The following WDPCP variants were observed in gnomAD, a reference collection of about 807,000 sequenced individuals.
WDPCP encodes the protein WD repeat containing planar cell polarity effector, also known as WD repeat-containing and planar cell polarity effector protein fritz homolog.
A neutral mutation model predicts 93.1 loss-of-function variants in WDPCP; 71 were observed. The ratio of observed to expected loss-of-function variants is 0.76; its 90% CI spans 0.63 to 0.93. The LOEUF is 0.93. Among genes scored for constraint, WDPCP ranks in the 40% least tolerant of loss-of-function variants. The pLI is 0.00. For missense variants in WDPCP, 844 were observed against 887.4 expected, an observed-to-expected ratio of 0.95 and a Z score of 0.62; for synonymous variants, 315 against 315.0, an observed-to-expected ratio of 1.00 and a Z score of 0.00.
chr2:63,602,746 TC>T (rs1334891684), intron 3 of WDPCP, among the ~76,000 whole-genome samples: 1 of 152,130 alleles, frequency 6.6e-6, no homozygotes, highest in East Asian at 1.9e-4. Flanking sequence ...TATAATTTTG[TC>T]ATTTTGAGAA....
At chr2:63,270,841 C>T (rs982112236) in intron 13 of WDPCP, among the ~76,000 whole-genome samples, 12 of 152,204 alleles carry the variant, frequency 7.9e-5, no homozygotes, top group African/African-American at 2.7e-4. Flanking sequence ...GGAGTCCATG[C>T]AGTGGCACTG....
chr2:63,328,335 T>C (rs916621848), intron 12 of WDPCP, among the ~76,000 whole-genome samples: 2 of 152,076 alleles, frequency 1.3e-5, no homozygotes, highest in Non-Finnish European at 2.9e-5. Context: ...CTTTGTTCTT[T>C]CGCTCTTCAC....
At chr2:63,332,390 C>T (rs1352747139) in intron 12 of WDPCP, among the ~76,000 whole-genome samples, 2 of 152,004 alleles carry the variant, frequency 1.3e-5, no homozygotes, top group South Asian at 2.1e-4. Context: ...CACATCCTCC[C>T]CAGCACTTGG....
At chr2:63,338,489 T>C (rs1010202259) in intron 12 of WDPCP, among the ~76,000 whole-genome samples, 30 of 146,240 alleles carry the variant, frequency 2.1e-4, no homozygotes, top group Non-Finnish European at 3.3e-4. Context: ...GAGGTGGAGG[T>C]TGCAGTTAGC....
upstream of WDPCP, among the ~76,000 whole-genome samples, chr2:63,831,038 C>T (rs1381350452): frequency 6.6e-6 from 1 of 152,104 alleles, no homozygotes; most frequent in Non-Finnish European, 1.5e-5. Flanking sequence ...GGATCTCCTT[C>T]ACCCTTTACC....
the WDPCP span, among the ~76,000 whole-genome samples, chr2:63,835,389 C>CAAAAAA: frequency 1.2e-4 from 5 of 42,314 alleles, no homozygotes; most frequent in Non-Finnish European, 2.0e-4. Flanking sequence ...GACTCCATCT[C>CAAAAAA]AAAAAAAAAA....
intron 2 of WDPCP, among the ~76,000 whole-genome samples, chr2:63,722,154 G>A (rs1318019761): frequency 6.7e-5 from 10 of 150,062 alleles, no homozygotes; most frequent in South Asian, 4.2e-4. Flanking sequence ...CCGCCACCCC[G>A]TCTGGGAAGT....
In WDPCP at chr2:63,678,919, T is replaced by C. The variant is rs535702382; in HGVS notation, n.309-28081A>G. Among the ~76,000 whole-genome samples the C allele has an allele frequency of 2.6e-5, 4 of 152,322 alleles. 1 individual carries two copies. In the South Asian group the frequency reaches 8.3e-4, roughly 32 times the overall value. On this transcript the variant is annotated intron_variant and non_coding_transcript_variant, in intron 2 of 4. Transcript: ENST00000467687. ...CCGGAGCTACCTGATCCCTGCTACA[T>C]GCTTCTGAAACCAACAGTTCCAATG...
intron 6 of WDPCP, among the ~76,000 whole-genome samples, chr2:63,474,086 TA>T (rs1036607606): frequency 1.1e-4 from 17 of 152,074 alleles, no homozygotes; most frequent in African/African-American, 4.1e-4. Context: ...GAAAATGAGT[TA>T]ATATTTATAA....
chr2:63,183,387 A>G (rs939050149), intron 14 of WDPCP, among the ~76,000 whole-genome samples: 10 of 152,070 alleles, frequency 6.6e-5, no homozygotes, highest in Non-Finnish European at 1.5e-5. Flanking sequence ...TCTTTGACCT[A>G]AAGACCATTC....
chr2:63,193,618 T>C (rs956055503), intron 14 of WDPCP, among the ~76,000 whole-genome samples: 4 of 152,156 alleles, frequency 2.6e-5, no homozygotes, highest in Admixed American at 2.6e-4. Context: ...TCCTGGGTAG[T>C]TGGAAGTACA....
chr2:63,240,178 T>C (rs771076310), intron 14 of WDPCP, among the ~76,000 whole-genome samples: 1 of 152,000 alleles, frequency 6.6e-6, no homozygotes, highest in Non-Finnish European at 1.5e-5. Context: ...CCATCACTCT[T>C]AGTATTTTTT....
intron 2 of WDPCP, among the ~76,000 whole-genome samples, chr2:63,659,454 T>G (rs1392864132): frequency 6.6e-6 from 1 of 152,002 alleles, no homozygotes; most frequent in Non-Finnish European, 1.5e-5. Flanking sequence ...TGTATCCTTA[T>G]AAAAGAGAGG....
intron 2 of WDPCP, among the ~76,000 whole-genome samples, chr2:63,687,237 A>G (rs1668818668): frequency 6.6e-6 from 1 of 152,240 alleles, no homozygotes; most frequent in African/African-American, 2.4e-5. Flanking sequence ...CTAAAAGAAA[A>G]CATTGAGGAA....
chr2:63,303,851 A>G (rs1206693590), intron 13 of WDPCP, among the ~76,000 whole-genome samples: 1 of 152,158 alleles, frequency 6.6e-6, no homozygotes, highest in Non-Finnish European at 1.5e-5. Flanking sequence ...AAGAAGACAT[A>G]TAAGCAGTCA....
At chr2:63,664,932 C>T (rs561981963) in intron 2 of WDPCP, among the ~76,000 whole-genome samples, 2 of 152,302 alleles carry the variant, frequency 1.3e-5, no homozygotes, top group Admixed American at 6.5e-5. Context: ...AGGACTTATG[C>T]TCTTACCACT....
intron 3 of WDPCP, among the ~76,000 whole-genome samples, chr2:63,638,310 TTC>T (rs148104908): frequency 8.8e-5 from 13 of 148,400 alleles, no homozygotes; most frequent in African/African-American, 1.5e-4. Context: ...CTCTCTCTCA[TTC>T]TCTCTCTCTC....
intron 10 of WDPCP, among the ~76,000 whole-genome samples, chr2:63,384,704 C>T (rs1471579797): frequency 6.7e-6 from 1 of 150,036 alleles, no homozygotes; most frequent in Non-Finnish European, 1.5e-5. Context: ...CTGGGCAAGA[C>T]AGCAAGACTG....
At chr2:63,394,459 C>G (rs1305514106) in intron 10 of WDPCP, among the ~76,000 whole-genome samples, 1 of 151,976 alleles carries the variant, frequency 6.6e-6, no homozygotes, top group Admixed American at 6.6e-5. Flanking sequence ...TTAGCTCAGA[C>G]ATGGTGGAAA....
Sources: allele counts gnomAD v4.1 joint callset (sites outside exome capture counted in the v4.1 genomes callset), GRCh38; gene constraint gnomAD v4.1.1; transcripts MANE v1.5; gene names NCBI Gene and HGNC (gene_info 2026-07-23, HGNC 2026-07-21).